UBE2J2: variants seen among roughly 807,000 people sequenced by gnomAD.
UBE2J2 encodes ubiquitin conjugating enzyme E2 J2.
A neutral mutation model predicts 28.6 loss-of-function variants in UBE2J2; 5 were observed. The ratio of observed to expected loss-of-function variants is 0.17; its 90% confidence interval spans 0.09 to 0.37. The LOEUF (loss-of-function observed/expected upper bound fraction) is 0.37, where lower values mean the gene tolerates loss of function less well. Ranked by LOEUF, UBE2J2 falls within the 10% of genes least tolerant of loss-of-function variation. UBE2J2 has a pLI of 1.00. For missense variants in UBE2J2, 226 were observed against 338.9 expected (o/e 0.67, Z 2.62); for synonymous variants, 138 against 139.7 (o/e 0.99, Z 0.09).
intron 3 of UBE2J2, 163 bp downstream of exon 3, chr1:1,263,183 G>A (rs953636618): frequency 1.6e-5 from 11 of 679,822 alleles, no homozygotes; most frequent in Middle Eastern, 2.8e-4. Context: ...CACTTCCAGC[G>A]TGTGGAGAAG....
chr1:1,271,932 C>T (rs926591416), intron 1 of UBE2J2, among the ~76,000 whole-genome samples: 2 of 143,148 alleles, frequency 1.4e-5, no homozygotes, highest in African/African-American at 5.4e-5. Flanking sequence ...CAAGATCAAG[C>T]CATTGCACTC....
chr1:1,260,952 C>CA (rs1166920137), intron 3 of UBE2J2, among the ~76,000 whole-genome samples: 1 of 152,220 alleles, frequency 6.6e-6, no homozygotes, highest in African/African-American at 2.4e-5. Context: ...TCTGAACTGT[C>CA]AGAGTGGGCA....
chr1:1,264,197 A>T (rs114566087), intron 2 of UBE2J2, among the ~76,000 whole-genome samples: 3,817 of 152,264 alleles, frequency 0.025, 168 homozygotes, highest in African/African-American at 0.087. Flanking sequence ...AACTGCCGTG[A>T]TTGTGTCCAA....
At position 1,255,041 on chromosome 1, in the gene UBE2J2, C is replaced by A. The variant is rs1471752787; in HGVS notation, c.*162G>T. The A allele has an allele frequency of 2.7e-6, 2 of 745,438 alleles. No homozygotes were observed. The highest frequency in any genetic ancestry group is 4.2e-6 in the Non-Finnish European group (2 of 474,824). 46.2% of individuals were successfully genotyped at this position (745,438 alleles called of 1,614,324 possible). A position where few individuals can be genotyped will look rare whatever the true frequency, so the allele number is the denominator to read the frequency against. On this transcript the variant is annotated 3_prime_UTR_variant, in exon 7 of 7. Coordinates refer to ENST00000349431, the MANE Select transcript of UBE2J2 (RefSeq NM_058167.3). ...GCTGAGGCTCCAGTCTCCTCCAAAG[C>A]CCAGTCACACATTTTGGTTTTTGCT...
chr1:1,260,465 C>T (rs1427153685), intron 3 of UBE2J2, among the ~76,000 whole-genome samples: 6 of 151,962 alleles, frequency 3.9e-5, no homozygotes, highest in Admixed American at 6.5e-5. Context: ...GGATGGGAGA[C>T]GGGCGCCCTG....
intron 1 of UBE2J2, among the ~76,000 whole-genome samples, chr1:1,270,080 T>G (rs1004854310): frequency 2.0e-5 from 3 of 152,202 alleles, no homozygotes; most frequent in African/African-American, 7.2e-5. Context: ...TCTTGCCCGC[T>G]CTCTCTAGCC....
At position 1,272,539 on chromosome 1, in the gene UBE2J2, G is replaced by C. The variant is rs1468496466; in HGVS notation, c.-1+1127C>G. Among the ~76,000 whole-genome samples, 7 of 152,280 alleles carry C rather than the reference G, an allele frequency of 4.6e-5. No homozygotes were observed. The South Asian group carries it at 8.3e-4, about 18-fold the overall frequency. On this transcript the variant is annotated intron_variant, in intron 1 of 6. Coordinates refer to ENST00000349431, the MANE Select transcript of UBE2J2 (RefSeq NM_058167.3). ...AGGGAAGTCTCTGCCTTCTCCACCA[G>C]ACTGCTCCGGAGGCTGGACGGAAGC...
rs182081854 is a variant in UBE2J2, at chr1:1,261,369, A to C, written c.172+1977T>G. Among the ~76,000 whole-genome samples the C allele has an allele frequency of 3.3e-5, 5 of 152,270 alleles. No individual in the cohort carries two copies. In the East Asian group the frequency reaches 9.7e-4, roughly 29 times the overall value. On this transcript the variant is annotated intron_variant, in intron 3 of 6. Transcript: ENST00000349431. ...ACGGTTGTGGGGAACAACGGAAGCG[A>C]TGGGAGGGGACCAAGATAAAAGCAC...
intron 6 of UBE2J2, 106 bp from the exon 7 acceptor site, chr1:1,255,593 T>A: frequency 7.4e-7 from 1 of 1,360,448 alleles, no homozygotes; most frequent in Non-Finnish European, 1.0e-6. Flanking sequence ...AACCAAGCCC[T>A]AGGCTGTGTC....
At chr1:1,259,228 G>A (rs1438950721) in intron 3 of UBE2J2, among the ~76,000 whole-genome samples, 2 of 151,918 alleles carry the variant, frequency 1.3e-5, no homozygotes, top group Non-Finnish European at 2.9e-5. Flanking sequence ...CAGGACGCAT[G>A]TATGTGCGTG....
chr1:1,262,665 G>A (rs1021669338), intron 3 of UBE2J2, among the ~76,000 whole-genome samples: 20 of 152,196 alleles, frequency 1.3e-4, no homozygotes, highest in South Asian at 2.1e-4. Flanking sequence ...TGTGCTTGCC[G>A]GCGGGACAGT....
In UBE2J2 at chr1:1,255,418, C is replaced by G. The variant is rs755006757; in HGVS notation, c.565G>C (p.Val189Leu). The change falls in exon 7 of 7, where the codon GTG (valine) becomes CTG (leucine). Residue 189 changes from valine (V) to leucine (L), a missense_variant. Around this residue, in one of 3 missense-constraint regions of UBE2J2, gnomAD observed 133 missense variants for 161.5 expected, o/e 0.82. Coordinates refer to ENST00000349431, the MANE Select transcript of UBE2J2 (RefSeq NM_058167.3). Reference protein sequence around the residue: ...SRPQTLPLPDVVPDGETHLVQ... With the variant: ...SRPQTLPLPDLVPDGETHLVQ... ...AGGTGCGTCTCCCCGTCTGGAACCA[C>G]GTCTGGCAAGGGGAGAGTCTGGGGT... 19 of 1,613,832 alleles carry G rather than the reference C, an allele frequency of 1.2e-5. No homozygotes were observed. In the East Asian group the frequency reaches 3.6e-4, roughly 30 times the overall value.
intron 3 of UBE2J2, chr1:1,262,416 G>A (rs1018745682): frequency 3.9e-5 from 17 of 431,840 alleles, no homozygotes; most frequent in South Asian, 9.6e-5. Flanking sequence ...GTCCACAGGT[G>A]TGGCTGTGTT....
rs1639101101 is a variant in UBE2J2, at chr1:1,255,264, A to G, written c.719T>C (p.Val240Ala). 3 of 1,613,232 alleles carry G rather than the reference A, an allele frequency of 1.9e-6. No homozygotes were observed. Among genetic ancestry groups the G allele is most frequent in the Non-Finnish European group, 2.5e-6 (3 of 1,179,696 alleles). The change falls in exon 7 of 7, where the codon GTT becomes GCT. Residue 240 changes from valine (V) to alanine (A), a missense_variant. Val to Ala is a moderately conservative substitution (Grantham distance 64, BLOSUM62 0). Around this residue, in one of 3 missense-constraint regions of UBE2J2, gnomAD observed 133 missense variants for 161.5 expected, o/e 0.82. Transcript: ENST00000349431. ...GGALANLFVI[V>A]GFAAFAYTVK... ...CGTGTAAGCAAAGGCTGCAAACCCA[A>G]CTATCACAAACAAGTTCGCCAGGGC...
intron 1 of UBE2J2, among the ~76,000 whole-genome samples, chr1:1,270,167 CTG>C (rs1053199597): frequency 2.2e-4 from 33 of 152,306 alleles, no homozygotes; most frequent in African/African-American, 7.7e-4. Flanking sequence ...CCACACGGAA[CTG>C]TGAGTCCATT....
chr1:1,257,332 A>G (rs2101034291), intron 3 of UBE2J2, 22 bp from the exon 4 acceptor site: 1 of 1,526,136 alleles, frequency 6.6e-7, no homozygotes, highest in African/African-American at 1.4e-5. Flanking sequence ...CAAAACAGAA[A>G]GGGCCTTGTC....
intron 3 of UBE2J2, chr1:1,262,448 G>C: frequency 7.8e-6 from 3 of 385,840 alleles, no homozygotes; most frequent in Non-Finnish European, 1.6e-5. Flanking sequence ...AATGCCTTCA[G>C]GAGAGCCTTT....
At chr1:1,267,663 G>T in intron 2 of UBE2J2, 199 bp downstream of exon 2, 1 of 1,326,798 alleles carries the variant, frequency 7.5e-7, no homozygotes, top group Non-Finnish European at 9.9e-7. Flanking sequence ...ATGGCTCTGT[G>T]ATGTCCCCGG....
At chr1:1,259,223 C>T (rs771680922) in intron 3 of UBE2J2, among the ~76,000 whole-genome samples, 9 of 149,830 alleles carry the variant, frequency 6.0e-5, no homozygotes, top group East Asian at 2.0e-4. Context: ...GCCATCAGGA[C>T]GCATGTATGT....
Sources: allele counts gnomAD v4.1 joint callset (sites outside exome capture counted in the v4.1 genomes callset), GRCh38; gene constraint gnomAD v4.1.1; regional missense constraint gnomAD v4.1.1; transcripts MANE v1.5; gene names NCBI Gene and HGNC (gene_info 2026-07-23, HGNC 2026-07-21).